Variants in EVPLL observed in about 807,000 individuals in gnomAD.
The protein encoded by EVPLL is envoplakin like, also known as envoplakin-like protein.
Under a neutral mutation model 46.2 loss-of-function variants are expected in EVPLL, and 39 were observed. The observed-to-expected ratio is 0.84, with a 90% CI of 0.65 to 1.10. The LOEUF is 1.10. Ranked by LOEUF, EVPLL falls within the 50% of genes least tolerant of loss-of-function variation. The pLI is 0.00. For missense variants in EVPLL, 385 were observed against 412.6 expected, an observed-to-expected ratio of 0.93 and a Z score of 0.58; for synonymous variants, 156 against 165.8, an observed-to-expected ratio of 0.94 and a Z score of 0.46.
At chr17:18,379,478 C>G (rs544299515) in intron 1 of EVPLL, among the ~76,000 whole-genome samples, 67 of 152,308 alleles carry the variant, frequency 4.4e-4, no homozygotes, top group African/African-American at 1.5e-3. Context: ...GTGTGCAGCT[C>G]CTGGTGGGAG....
Position 18,381,607 on chromosome 17 carries a change from G to C in EVPLL, c.223G>C (p.Glu75Gln). The change falls in exon 4 of 11, where the codon GAG (glutamate) becomes CAG (glutamine). Residue 75 changes from glutamate (E) to glutamine (Q), a missense_variant. Coordinates refer to ENST00000399134, the MANE Select transcript of EVPLL (RefSeq NM_001145127.2). This position sits in a 1 kb window ranked among gnomAD's most constrained non-coding sequence, Gnocchi z 4.2. Reference sequence around the variant, plus strand: ...TGCTGGCCACCTTCTTGACAGCATCGAGCAGCTGCACGAGCGGGTGACCCA... The same window carrying C: ...TGCTGGCCACCTTCTTGACAGCATCCAGCAGCTGCACGAGCGGGTGACCCA... ...PQAEETEKDI[E>Q]QLHERVTQEC... 3 of 1,614,080 alleles carry C rather than the reference G, an allele frequency of 1.9e-6. No homozygotes were observed. The highest frequency in any genetic ancestry group is 2.5e-6 in the Non-Finnish European group (3 of 1,180,002).
At position 18,382,815 on chromosome 17, in the gene EVPLL, G is replaced by C. The variant is rs753041057; in HGVS notation, c.473-11G>C. 1.2e-6 allele frequency: 2 copies of C among 1,613,006 alleles called. No individual in the cohort carries two copies. Among genetic ancestry groups the C allele is most frequent in the South Asian group, 1.1e-5 (1 of 90,894 alleles). Reference sequence around the variant, plus strand: ...CTCTCACGGGCTTGTTTCTCCCCTTGGTCAAGGCAGGATGCCGCCACCATC... The same window carrying C: ...CTCTCACGGGCTTGTTTCTCCCCTTCGTCAAGGCAGGATGCCGCCACCATC... On this transcript the variant is annotated splice_polypyrimidine_tract_variant and intron_variant, in intron 5 of 10. Transcript: ENST00000399134.
At chr17:18,382,018 A>T (rs1987595981) in intron 4 of EVPLL, 1 of 481,340 alleles carries the variant, frequency 2.1e-6, no homozygotes, top group Non-Finnish European at 3.8e-6. Flanking sequence ...GAAGCCTAGG[A>T]TTCGATGGGA....
intron 9 of EVPLL, among the ~76,000 whole-genome samples, chr17:18,386,665 T>C (rs1386612443): frequency 1.3e-5 from 2 of 152,012 alleles, no homozygotes; most frequent in Non-Finnish European, 2.9e-5. Context: ...AGTAGCCCCA[T>C]GTCAGTGTGC....
chr17:18,380,784 G>T, intron 1 of EVPLL, 118 bp from the exon 2 acceptor site: 2 of 832,474 alleles, frequency 2.4e-6, no homozygotes, highest in Admixed American at 2.4e-5. Context: ...CAAAGTCAGG[G>T]CAGTGTGCTA....
At chr17:18,383,633 G>A (rs1987678551) in intron 9 of EVPLL, 46 bp downstream of exon 9, 1 of 1,342,202 alleles carries the variant, frequency 7.5e-7, no homozygotes, top group African/African-American at 1.4e-5. Flanking sequence ...CAGGGCGGGA[G>A]GTCCCACAGC....
chr17:18,383,537 C>A lies in EVPLL; in HGVS notation c.826C>A (p.Leu276Met), dbSNP rs779439046. 18 of 1,581,626 alleles carry A rather than the reference C, an allele frequency of 1.1e-5. No homozygotes were observed. Among genetic ancestry groups the A allele is most frequent in the Non-Finnish European group, 1.5e-5 (18 of 1,164,222 alleles). ...GATGGAGTGGCAGAACTTCCTGAACCTGTGCATCTGCCAGGAGACCCAGCT... is the reference window on the plus strand; with the variant it reads ...GATGGAGTGGCAGAACTTCCTGAACATGTGCATCTGCCAGGAGACCCAGCT... ...LKMEWQNFLN[L>M]CICQETQLQH... The change falls in exon 9 of 11, where the codon CTG becomes ATG. Residue 276 changes from leucine to methionine, a missense_variant. Coordinates refer to ENST00000399134, the MANE Select transcript of EVPLL (RefSeq NM_001145127.2).
intron 9 of EVPLL, among the ~76,000 whole-genome samples, chr17:18,384,098 A>G (rs1320201886): frequency 6.6e-6 from 1 of 152,172 alleles, no homozygotes; most frequent in African/African-American, 2.4e-5. Flanking sequence ...AATGGCAGAA[A>G]AGTAACTGTT....
At chr17:18,378,582 G>A (rs138209439) in intron 1 of EVPLL, among the ~76,000 whole-genome samples, 7 of 152,112 alleles carry the variant, frequency 4.6e-5, no homozygotes, top group Non-Finnish European at 8.8e-5. Context: ...AGGCCAATGC[G>A]GGAGGATTCC....
At position 18,382,600 on chromosome 17, in the gene EVPLL, A is replaced by G; in HGVS notation, c.434A>G (p.Gln145Arg). 5.2e-6 allele frequency: 8 copies of G among 1,551,920 alleles called. No individual in the cohort carries two copies. The highest frequency in any genetic ancestry group is 6.1e-6 in the Non-Finnish European group (7 of 1,147,044). The change falls in exon 5 of 11, where the codon CAA becomes CGA. Residue 145 changes from glutamine to arginine, a missense_variant. Transcript: ENST00000399134. ...RGAQHRAEGD[Q>R]RPRRAAAEPG... ...GCTCAACATCGTGCAGAAGGAGATC[A>G]ACGACCAAGGAGAGCAGCTGCGGAG...
rs1473154502 is a variant in EVPLL at position 18,382,860 on chromosome 17, T to A, written c.507T>A (p.Pro169=). 9 of 1,613,206 alleles carry A rather than the reference T, an allele frequency of 5.6e-6. No homozygotes were observed. The East Asian group carries it at 2.0e-4, about 36-fold the overall frequency. The part of the protein sequence containing the change: ...CRHHPEPIPR[P]TEGGVVARAE... ...ACCATCCGGAGCCAATACCGAGACC[T>A]ACTGGTGAGCAGGAGGGAGGGTCGG... Residue 169 remains proline, a synonymous_variant, in exon 6 of 11, where the codon CCT becomes CCA. Coordinates refer to ENST00000399134, the MANE Select transcript of EVPLL (RefSeq NM_001145127.2).
rs1409741857 is a variant in EVPLL, at chr17:18,381,033, G to A, written c.63+33G>A. The A allele has an allele frequency of 5.8e-6, 9 of 1,556,944 alleles. No homozygotes were observed. The East Asian group carries it at 1.7e-4, about 29-fold the overall frequency. On this transcript the variant is annotated intron_variant, in intron 2 of 10. Coordinates refer to ENST00000399134, the MANE Select transcript of EVPLL (RefSeq NM_001145127.2). The surrounding 1 kb of genome is among the most constrained non-coding windows in gnomAD (Gnocchi z 4.2). ...CCCGGCAGCAGTTGGCAGGGTGTGG[G>A]CAGGCTGGGTGGCATGGGAGGCCCA...
intron 9 of EVPLL, among the ~76,000 whole-genome samples, chr17:18,386,742 C>A (rs185801515): frequency 5.9e-5 from 9 of 152,226 alleles, no homozygotes; most frequent in Admixed American, 5.9e-4. Context: ...TCCTTCCAAT[C>A]TGTGGTTTCA....
In EVPLL at chr17:18,381,220, C is replaced by T; in HGVS notation, c.64-147C>T. ...GTCTTTGTCACCTGCCTCATGGACG[C>T]CCTGGGCCTGACCCTGTGCCTGGCG... On this transcript the variant is annotated intron_variant, in intron 2 of 10. Transcript: ENST00000399134. This position sits in a 1 kb window ranked among gnomAD's most constrained non-coding sequence, Gnocchi z 4.2. The T allele has an allele frequency of 3.7e-6, 5 of 1,360,654 alleles. No homozygotes were observed. The highest frequency in any genetic ancestry group is 4.9e-6 in the Non-Finnish European group (5 of 1,019,842). 84.3% of individuals were successfully genotyped at this position (1,360,654 alleles called of 1,614,324 possible).
Position 18,381,731 on chromosome 17 carries a change from G to T in EVPLL, c.346+1G>T, listed in dbSNP as rs1417707137. The T allele has an allele frequency of 1.9e-6, 3 of 1,614,178 alleles. No homozygotes were observed. The highest frequency in any genetic ancestry group is 2.2e-5 in the East Asian group (1 of 44,880). On this transcript the variant is annotated splice_donor_variant, in intron 4 of 10. Coordinates refer to ENST00000399134, the MANE Select transcript of EVPLL (RefSeq NM_001145127.2). LOFTEE classifies it high-confidence loss of function. The surrounding 1 kb of genome is among the most constrained non-coding windows in gnomAD (Gnocchi z 4.2). ...GGCACACGTGCTGGAGCAGAAACAG[G>T]TCAGGAGCTCAAAGTCACACCCCAG...
At chr17:18,382,349 A>C (rs1282992990) in intron 4 of EVPLL, 164 bp from the exon 5 acceptor site, 7 of 854,778 alleles carry the variant, frequency 8.2e-6, no homozygotes, top group Non-Finnish European at 1.2e-5. Context: ...GCAGAGCAGA[A>C]TGGCTCACCC....
chr17:18,383,471 G>T (rs759708419), intron 8 of EVPLL, 21 bp from the exon 9 acceptor site: 9 of 1,555,542 alleles, frequency 5.8e-6, no homozygotes, highest in Admixed American at 5.8e-5. Context: ...TGGTCCGAGG[G>T]CTCCGTGCTG....
rs536751520 is a variant in EVPLL, at chr17:18,381,661, G to T, written c.277G>T (p.Glu93Ter). Residue 93 changes from glutamate (E) to a stop codon, truncating the protein, a stop_gained, in exon 4 of 11, where the codon GAG becomes TAG. Transcript: ENST00000399134. LOFTEE classifies it high-confidence loss of function. The surrounding 1 kb of genome is among the most constrained non-coding windows in gnomAD (Gnocchi z 4.2). ...GTGTGCGGAGTACTGTGCCCTGTACGAGAAGATGGTGCTGCCGCCCCGACG... is the reference window on the plus strand; with the variant it reads ...GTGTGCGGAGTACTGTGCCCTGTACTAGAAGATGGTGCTGCCGCCCCGACG... ...QECAEYCALY[E>*]KMVLPPRRGI... 1 of 1,614,182 alleles carries T rather than the reference G, an allele frequency of 6.2e-7. No individual in the cohort carries two copies. The highest frequency in any genetic ancestry group is 1.1e-5 in the South Asian group (1 of 91,086).
chr17:18,383,175 G>A lies in EVPLL; in HGVS notation c.662G>A (p.Arg221Gln), dbSNP rs1484770578. ...DLMADPAGVR[R>Q]EYEHFKQHEL... ...ATGGCCGACCCTGCGGGCGTGCGGCGGGAATACGAGGTCGGCTGGCAGAGG... is the reference window on the plus strand; with the variant it reads ...ATGGCCGACCCTGCGGGCGTGCGGCAGGAATACGAGGTCGGCTGGCAGAGG... The change falls in exon 7 of 11, where the codon CGG becomes CAG. Residue 221 changes from arginine to glutamine, a missense_variant. Arg to Gln is a conservative substitution (Grantham distance 43). Coordinates refer to ENST00000399134, the MANE Select transcript of EVPLL (RefSeq NM_001145127.2). 3 of 1,547,680 alleles carry A rather than the reference G, an allele frequency of 1.9e-6. No homozygotes were observed. The highest frequency in any genetic ancestry group is 2.6e-6 in the Non-Finnish European group (3 of 1,152,292).
Sources: allele counts gnomAD v4.1 joint callset (sites outside exome capture counted in the v4.1 genomes callset), GRCh38; gene constraint gnomAD v4.1.1; non-coding constraint Gnocchi (gnomAD v3.1); transcripts MANE v1.5; gene names NCBI Gene and HGNC (gene_info 2026-07-23, HGNC 2026-07-21).